The following STK32A variants were observed in gnomAD, a reference collection of about 807,000 sequenced individuals.
STK32A encodes the protein serine/threonine-protein kinase 32A.
A neutral mutation model predicts 53.2 loss-of-function variants in STK32A; 41 were observed. That is an observed-to-expected ratio of 0.77 (90% confidence interval 0.60 to 1.00). The LOEUF (loss-of-function observed/expected upper bound fraction) is 1.00, where lower values mean the gene tolerates loss of function less well. Ranked by LOEUF, STK32A falls within the 50% of genes least tolerant of loss-of-function variation. The probability of loss-of-function intolerance (pLI) is 0.00; values close to 1 mark genes in which losing one functional copy is unlikely to be tolerated. For missense variants in STK32A, 458 were observed against 485.8 expected, an observed-to-expected ratio of 0.94 and a Z score of 0.54; for synonymous variants, 166 against 162.8, an observed-to-expected ratio of 1.02 and a Z score of -0.15.
chr5:147,343,165 A>G, intron 6 of STK32A, 122 bp downstream of exon 6: 1 of 1,050,490 alleles, frequency 9.5e-7, no homozygotes, highest in Non-Finnish European at 1.5e-6. Context: ...AGCTCTACTT[A>G]CAAACTCCTC....
At chr5:147,354,707 C>A (rs1027277690) in intron 7 of STK32A, among the ~76,000 whole-genome samples, 1 of 152,036 alleles carries the variant, frequency 6.6e-6, no homozygotes, top group Non-Finnish European at 1.5e-5. Flanking sequence ...ATAATTTGGC[C>A]GAGATCACAT....
chr5:147,344,398 G>C (rs749748201), intron 6 of STK32A, among the ~76,000 whole-genome samples: 2 of 152,084 alleles, frequency 1.3e-5, no homozygotes, highest in Non-Finnish European at 2.9e-5. Context: ...TACTGCTTCT[G>C]ACATTTGAAA....
chr5:147,271,017 A>T (rs1402932915), intron 2 of STK32A, among the ~76,000 whole-genome samples: 1 of 142,664 alleles, frequency 7.0e-6, no homozygotes, highest in African/African-American at 2.7e-5. Flanking sequence ...TTTTTTTTTG[A>T]CGGTGTCTTG....
intron 4 of STK32A, among the ~76,000 whole-genome samples, chr5:147,322,179 C>A (rs12055338): frequency 0.15 from 22,130 of 152,172 alleles, 1,772 homozygotes; most frequent in Admixed American, 0.18. Flanking sequence ...AGATGACCAG[C>A]CAGTCACTGC....
At chr5:147,330,545 T>G (rs995356685) in intron 5 of STK32A, among the ~76,000 whole-genome samples, 5 of 152,230 alleles carry the variant, frequency 3.3e-5, no homozygotes, top group African/African-American at 1.2e-4. Flanking sequence ...ACATTTCCTC[T>G]AAAGAAGTTG....
At chr5:147,261,461 TG>T (rs1754567881) in intron 2 of STK32A, among the ~76,000 whole-genome samples, 1 of 151,998 alleles carries the variant, frequency 6.6e-6, no homozygotes, top group Non-Finnish European at 1.5e-5. Flanking sequence ...AAGAGAATGA[TG>T]GGGTGAGTGC....
At chr5:147,238,994 T>C (rs1409227212) in intron 1 of STK32A, among the ~76,000 whole-genome samples, 1 of 152,130 alleles carries the variant, frequency 6.6e-6, no homozygotes, top group Non-Finnish European at 1.5e-5. Context: ...CCCATTCAAC[T>C]CTCCATTGAG....
At chr5:147,363,882 C>G (rs1756627097) in intron 8 of STK32A, among the ~76,000 whole-genome samples, 1 of 152,116 alleles carries the variant, frequency 6.6e-6, no homozygotes. Flanking sequence ...TATAAGCAGA[C>G]AGAAGGAACC....
intron 11 of STK32A, chr5:147,383,037 C>G (rs1757513788): frequency 5.1e-6 from 1 of 194,998 alleles, no homozygotes; most frequent in Non-Finnish European, 1.0e-5. Context: ...GCAAACTGCT[C>G]CGGAACATGT....
chr5:147,280,415 A>AG (rs1333540681), intron 4 of STK32A, among the ~76,000 whole-genome samples: 4 of 826 alleles, frequency 4.8e-3, no homozygotes, highest in Non-Finnish European at 9.5e-3. Flanking sequence ...TTGGCGGGGG[A>AG]GGGGGGTTGG....
rs748859025 is a variant in STK32A at position 147,373,217 on chromosome 5, C to G, written c.826C>G (p.Gln276Glu). ...ACGATTTTCTCAGTTATCTGATGTC[C>G]AGAACTTCCCGTATATGAATGATAT... is the stretch of plus-strand genomic sequence containing the variant. Reference protein sequence around the residue: ...DQRFSQLSDVQNFPYMNDINW... With the variant: ...DQRFSQLSDVENFPYMNDINW... Residue 276 changes from glutamine to glutamate, a missense_variant, in exon 10 of 13, where the codon CAG (glutamine) becomes GAG (glutamate). Gln to Glu is a conservative substitution (Grantham distance 29). Transcript: ENST00000397936. 1 of 1,613,390 alleles carries G rather than the reference C, an allele frequency of 6.2e-7. No homozygotes were observed.
At chr5:147,342,296 G>C (rs1755462717) in intron 5 of STK32A, among the ~76,000 whole-genome samples, 1 of 152,108 alleles carries the variant, frequency 6.6e-6, no homozygotes, top group African/African-American at 2.4e-5. Flanking sequence ...ACAGAACCAA[G>C]TGTGTGATAA....
intron 7 of STK32A, among the ~76,000 whole-genome samples, chr5:147,360,475 A>AAG (rs1383634029): frequency 2.1e-5 from 3 of 143,316 alleles, no homozygotes; most frequent in African/African-American, 8.3e-5. Context: ...AAAGAAAAAA[A>AAG]AAAGAAAGAA....
intron 8 of STK32A, among the ~76,000 whole-genome samples, chr5:147,362,063 T>C: frequency 6.6e-6 from 1 of 152,228 alleles, no homozygotes. Context: ...GGTTCTGGGT[T>C]CAGTGACAAA....
chr5:147,294,082 G>T (rs1238057357), intron 4 of STK32A, among the ~76,000 whole-genome samples: 2 of 152,080 alleles, frequency 1.3e-5, no homozygotes, highest in African/African-American at 2.4e-5. Flanking sequence ...AAACCCTGTG[G>T]TTCCAAAAGA....
At chr5:147,364,071 C>T (rs961969247) in intron 8 of STK32A, among the ~76,000 whole-genome samples, 6 of 151,886 alleles carry the variant, frequency 4.0e-5, no homozygotes, top group South Asian at 2.1e-4. Context: ...CAAAATTAGC[C>T]GGGCATGGTG....
intron 2 of STK32A, among the ~76,000 whole-genome samples, chr5:147,266,658 A>T (rs2151949383): frequency 6.6e-6 from 1 of 152,282 alleles, no homozygotes; most frequent in East Asian, 1.9e-4. Context: ...GTCTTCCTTC[A>T]TGGAGTCTAT....
At chr5:147,354,417 G>A (rs1217582867) in intron 7 of STK32A, among the ~76,000 whole-genome samples, 3 of 152,132 alleles carry the variant, frequency 2.0e-5, no homozygotes, top group African/African-American at 7.2e-5. Flanking sequence ...CCTCTCCCCA[G>A]TGGTTTTAAG....
intron 4 of STK32A, among the ~76,000 whole-genome samples, chr5:147,304,448 G>A (rs1753302330): frequency 6.6e-6 from 1 of 152,112 alleles, no homozygotes; most frequent in Non-Finnish European, 1.5e-5. Context: ...TCTTGAATAG[G>A]CAGTAAGTGA....
Sources: allele counts gnomAD v4.1 joint callset (sites outside exome capture counted in the v4.1 genomes callset), GRCh38; gene constraint gnomAD v4.1.1; transcripts MANE v1.5; gene names NCBI Gene and HGNC (gene_info 2026-07-23, HGNC 2026-07-21).